The following EYS variants were observed in gnomAD, a reference collection of about 807,000 sequenced individuals.
The protein encoded by EYS is EGF-like photoreceptor maintenance factor.
In EYS, 250 loss-of-function variants were observed where a neutral mutation model predicts 282.1. That is an observed-to-expected ratio of 0.89 (90% CI 0.80 to 0.98). The LOEUF is 0.98. EYS is among the 50% of genes least tolerant of loss of function. The pLI, the probability that EYS is intolerant of heterozygous loss-of-function variation, is 0.00. For missense variants in EYS, 4,016 were observed against 3,709.0 expected, an observed-to-expected ratio of 1.08 and a Z score of -2.15; for synonymous variants, 1,355 against 1,282.9, an observed-to-expected ratio of 1.06 and a Z score of -1.20.
At chr6:64,411,841 T>C (rs1030112374) in intron 28 of EYS, among the ~76,000 whole-genome samples, 1 of 97,980 alleles carries the variant, frequency 1.0e-5, no homozygotes, top group Admixed American at 1.1e-4. Context: ...GAGATACACA[T>C]ATATGTTTGC....
chr6:65,639,153 T>A (rs963200140), intron 2 of EYS, among the ~76,000 whole-genome samples: 4 of 152,058 alleles, frequency 2.6e-5, no homozygotes, highest in African/African-American at 9.7e-5. Context: ...AATAAGCTCA[T>A]AATAAAATAC....
chr6:64,672,886 A>C (rs1769515571), intron 22 of EYS, among the ~76,000 whole-genome samples: 1 of 152,152 alleles, frequency 6.6e-6, no homozygotes, highest in African/African-American at 2.4e-5. Context: ...TATAACCCTC[A>C]CAGGGAAATG....
At chr6:64,107,302 T>TAA (rs1397963922) in intron 31 of EYS, among the ~76,000 whole-genome samples, 4 of 133,784 alleles carry the variant, frequency 3.0e-5, no homozygotes, top group Admixed American at 1.5e-4. Context: ...TATATATATA[T>TAA]ATATATATAT....
At chr6:65,331,599 T>G (rs1562100540) in intron 11 of EYS, 2 of 976,410 alleles carry the variant, frequency 2.0e-6, no homozygotes, top group Non-Finnish European at 2.4e-6. Flanking sequence ...TTATCCAAGA[T>G]TCTCTGGATA....
At chr6:65,344,240 A>G (rs1770312131) in intron 9 of EYS, 63 bp from the exon 10 acceptor site, 2 of 1,305,762 alleles carry the variant, frequency 1.5e-6, no homozygotes, top group Non-Finnish European at 2.2e-6. Context: ...AGAATGAATT[A>G]TTAAGGACTG....
chr6:64,982,080 C>T (rs1389888470), intron 14 of EYS, among the ~76,000 whole-genome samples: 3 of 151,286 alleles, frequency 2.0e-5, no homozygotes, highest in Non-Finnish European at 4.4e-5. Flanking sequence ...CTTTCCTTTC[C>T]CTCTACAGGA....
intron 2 of EYS, among the ~76,000 whole-genome samples, chr6:65,547,579 G>T (rs1336088682): frequency 1.3e-5 from 2 of 151,940 alleles, no homozygotes; most frequent in Non-Finnish European, 2.9e-5. Flanking sequence ...ATTGTATTGG[G>T]ATTATTGGAT....
chr6:65,575,473 T>C (rs1376824532), intron 2 of EYS, among the ~76,000 whole-genome samples: 1 of 151,638 alleles, frequency 6.6e-6, no homozygotes, highest in East Asian at 1.9e-4. Flanking sequence ...TAGTAATAAA[T>C]GTCTACAAAG....
intron 1 of EYS, among the ~76,000 whole-genome samples, chr6:65,690,847 CTTG>C (rs1036954506): frequency 1.3e-5 from 2 of 149,794 alleles, no homozygotes; most frequent in African/African-American, 4.9e-5. Flanking sequence ...GTTTTCTGTT[CTTG>C]TGTTAGTTTG....
chr6:65,671,562 T>C (rs138598366), intron 1 of EYS, among the ~76,000 whole-genome samples: 27 of 152,254 alleles, frequency 1.8e-4, no homozygotes, highest in African/African-American at 6.5e-4. Context: ...TTGTTCCTTG[T>C]TGCAGGGTGA....
chr6:64,908,863 T>C (rs1200406790), intron 16 of EYS, among the ~76,000 whole-genome samples: 4 of 152,072 alleles, frequency 2.6e-5, no homozygotes, highest in East Asian at 1.9e-4. Context: ...CAGGTATATG[T>C]AAAATAGGTG....
intron 12 of EYS, among the ~76,000 whole-genome samples, chr6:65,180,715 T>A (rs549106233): frequency 1.4e-3 from 209 of 152,242 alleles, no homozygotes; most frequent in Non-Finnish European, 2.6e-3. Context: ...GCTTTAAAGT[T>A]CATATGGAAC....
At position 64,122,850 on chromosome 6, in the gene EYS, A is replaced by C. The variant is rs79179332; in HGVS notation, c.6425-40848T>G. ...AAAACATTAGATTTATGATGCAAAA[A>C]GTAATTTAGAAATCGTTAATAATAA... On this transcript the variant is annotated intron_variant, in intron 31 of 42. Coordinates refer to ENST00000503581, the MANE Select transcript of EYS (RefSeq NM_001142800.2). 4.1e-3 allele frequency among the ~76,000 whole-genome samples: 631 copies of C among 152,278 alleles called. 3 individuals are homozygous for C. The highest frequency in any genetic ancestry group is 0.014 in the African/African-American group (599 of 41,584).
At chr6:64,303,879 C>CT (rs1220496551) in intron 30 of EYS, among the ~76,000 whole-genome samples, 3 of 145,734 alleles carry the variant, frequency 2.1e-5, no homozygotes, top group Admixed American at 1.4e-4. Context: ...GGTAGGGTTA[C>CT]GGCTGAAGTC....
intron 26 of EYS, among the ~76,000 whole-genome samples, chr6:64,544,411 T>C (rs1461524030): frequency 6.6e-6 from 1 of 152,080 alleles, no homozygotes; most frequent in African/African-American, 2.4e-5. Context: ...TAAAGGAACA[T>C]ACATATTAGG....
chr6:65,351,272 C>T (rs755822505), intron 9 of EYS, among the ~76,000 whole-genome samples: 26 of 151,596 alleles, frequency 1.7e-4, no homozygotes, highest in African/African-American at 2.4e-4. Flanking sequence ...TCAGATGTAG[C>T]GGTCACATAA....
intron 26 of EYS, among the ~76,000 whole-genome samples, chr6:64,465,738 A>C (rs989322831): frequency 1.3e-5 from 2 of 151,932 alleles, no homozygotes; most frequent in Non-Finnish European, 2.9e-5. Context: ...AAAGTAAAAA[A>C]AAAAAAGACA....
intron 12 of EYS, among the ~76,000 whole-genome samples, chr6:65,108,434 A>C (rs1042143526): frequency 2.0e-5 from 3 of 152,042 alleles, no homozygotes; most frequent in African/African-American, 7.2e-5. Context: ...AGCAGCTGGG[A>C]CTAAAGGCAT....
At chr6:64,923,648 T>TG (rs1216029618) in intron 15 of EYS, among the ~76,000 whole-genome samples, 1 of 152,154 alleles carries the variant, frequency 6.6e-6, no homozygotes, top group Non-Finnish European at 1.5e-5. Flanking sequence ...CTAGATACAG[T>TG]GGGGGTACAG....
Sources: gnomAD v4.1 joint callset for allele counts (sites outside exome capture counted in the v4.1 genomes callset) on GRCh38, gnomAD v4.1.1 for gene constraint, MANE v1.5 for transcripts, NCBI Gene and HGNC (gene_info 2026-07-23, HGNC 2026-07-21) for gene names.